ERBIN: variants seen among roughly 807,000 people sequenced by gnomAD.
The protein encoded by ERBIN is erbb2 interacting protein, also known as densin-180-like protein.
ERBIN carries 60 observed loss-of-function variants against 158.4 expected under a neutral mutation model. The ratio of observed to expected loss-of-function variants is 0.38; its 90% CI spans 0.31 to 0.47. ERBIN has a LOEUF of 0.47. Among genes scored for constraint, ERBIN ranks in the 20% least tolerant of loss-of-function variants. ERBIN has a pLI of 0.99. For missense variants in ERBIN, 1,610 were observed against 1,648.0 expected, an observed-to-expected ratio of 0.98 and a Z score of 0.40; for synonymous variants, 594 against 557.2, an observed-to-expected ratio of 1.07 and a Z score of -0.93.
At position 66,023,957 on chromosome 5, in the gene ERBIN, G is replaced by A. The variant is rs1479987756; in HGVS notation, c.673-349G>A. Among the ~76,000 whole-genome samples the A allele has an allele frequency of 2.6e-5, 4 of 152,132 alleles. No individual in the cohort carries two copies. In the East Asian group the frequency reaches 5.8e-4, roughly 22 times the overall value. ...CTACCAAAGTGCTGGGATTACAGGC[G>A]TGAGCCACCGCGCCCAGCCGAACTT... On this transcript the variant is annotated intron_variant, in intron 9 of 25. Coordinates refer to ENST00000284037, the MANE Select transcript of ERBIN (RefSeq NM_001253697.2).
At chr5:66,069,262 A>C (rs1225955525) in intron 21 of ERBIN, among the ~76,000 whole-genome samples, 2 of 152,232 alleles carry the variant, frequency 1.3e-5, no homozygotes, top group Admixed American at 6.5e-5. Flanking sequence ...AAAAGTGAAC[A>C]ATAGGAATAA....
intron 1 of ERBIN, among the ~76,000 whole-genome samples, chr5:65,932,776 C>G (rs532128621): frequency 6.6e-6 from 1 of 152,134 alleles, no homozygotes; most frequent in African/African-American, 2.4e-5. Flanking sequence ...TCTAAGAATT[C>G]TAGTTTTTCA....
intron 1 of ERBIN, among the ~76,000 whole-genome samples, chr5:65,955,294 CA>C (rs1295921956): frequency 1.3e-5 from 2 of 152,064 alleles, no homozygotes; most frequent in East Asian, 3.9e-4. Context: ...TAGCTTTTGG[CA>C]TTGCTTCTCA....
chr5:65,992,598 G>T, intron 2 of ERBIN, 112 bp from the exon 3 acceptor site: 2 of 712,384 alleles, frequency 2.8e-6, no homozygotes, highest in Admixed American at 3.2e-5. Context: ...TTGTATAGTG[G>T]CAGGAGAAGT....
intron 7 of ERBIN, among the ~76,000 whole-genome samples, chr5:66,018,050 T>C (rs1283057384): frequency 6.6e-6 from 1 of 152,034 alleles, no homozygotes; most frequent in Non-Finnish European, 1.5e-5. Context: ...TGTGTGCCTA[T>C]ATACCATGCT....
At chr5:66,076,673 T>C (rs1762010259) in intron 24 of ERBIN, 1 of 601,706 alleles carries the variant, frequency 1.7e-6, no homozygotes, top group Non-Finnish European at 2.9e-6. Flanking sequence ...AAAGTAATTT[T>C]ATTACTCTCA....
At chr5:65,984,808 T>C (rs1487811732) in intron 1 of ERBIN, 3 of 151,886 alleles carry the variant, frequency 2.0e-5, no homozygotes, top group African/African-American at 7.2e-5. Context: ...GCAGTACTGG[T>C]TAATTAAGCT....
At chr5:65,962,303 T>C (rs1285736254) in intron 1 of ERBIN, among the ~76,000 whole-genome samples, 1 of 152,176 alleles carries the variant, frequency 6.6e-6, no homozygotes, top group Admixed American at 6.5e-5. Context: ...GAAAATTTTA[T>C]TGGGAAATTG....
intron 1 of ERBIN, among the ~76,000 whole-genome samples, chr5:65,933,453 C>T (rs1004791057): frequency 7.2e-5 from 11 of 152,194 alleles, no homozygotes; most frequent in Admixed American, 5.9e-4. Context: ...TACTGTTCCT[C>T]AGGAGGCAGT....
intron 1 of ERBIN, among the ~76,000 whole-genome samples, chr5:65,950,148 G>A (rs574213672): frequency 6.6e-6 from 1 of 152,176 alleles, no homozygotes. Context: ...TGGGACTACA[G>A]GCGTGTGCCA....
chr5:65,996,303 T>C lies in ERBIN; in HGVS notation c.307+1439T>C, dbSNP rs201896955. Among the ~76,000 whole-genome samples, 15 of 151,604 alleles carry C rather than the reference T, an allele frequency of 9.9e-5. No homozygotes were observed. In the East Asian group the frequency reaches 2.3e-3, roughly 23 times the overall value. On this transcript the variant is annotated intron_variant, in intron 4 of 25. Transcript: ENST00000284037. ...TGTTATAGTTAAGTCTTTAATCCAT[T>C]TTGAGTTGATTTTTTAAATGGTGTA...
At chr5:65,967,456 A>C (rs547276458) in intron 1 of ERBIN, among the ~76,000 whole-genome samples, 13 of 152,318 alleles carry the variant, frequency 8.5e-5, no homozygotes, top group African/African-American at 3.1e-4. Context: ...ATATGTTTAA[A>C]TACACAAATA....
intron 1 of ERBIN, among the ~76,000 whole-genome samples, chr5:65,937,795 G>A (rs1744265634): frequency 6.6e-6 from 1 of 152,186 alleles, no homozygotes; most frequent in Non-Finnish European, 1.5e-5. Context: ...TGTAGTCCCA[G>A]CTACTCGGGA....
chr5:65,961,552 G>A (rs1747919298), intron 1 of ERBIN, among the ~76,000 whole-genome samples: 1 of 152,122 alleles, frequency 6.6e-6, no homozygotes, highest in African/African-American at 2.4e-5. Context: ...TTTAATTTGT[G>A]GTTGATCCAT....
chr5:66,038,568 A>G lies in ERBIN; in HGVS notation c.1306+86A>G, dbSNP rs1580430613. 5 of 1,016,468 alleles carry G rather than the reference A, an allele frequency of 4.9e-6. No individual in the cohort carries two copies. The East Asian group carries it at 1.3e-4, about 26-fold the overall frequency. The allele number at this position is 1,016,468 out of a possible 1,614,324, so 63.0% of individuals were successfully genotyped here. On this transcript the variant is annotated intron_variant, in intron 15 of 25. Transcript: ENST00000284037. ...TGAACTTTAAGTCTCAGAGACTTTT[A>G]CCAGTTTGATGGGACTTCAGAGAAT...
rs748952408 is a variant in ERBIN at position 66,071,415 on chromosome 5, G to A, written c.3634-754G>A. On this transcript the variant is annotated intron_variant, in intron 21 of 25. Transcript: ENST00000284037. ...AAATATTCAGGGGTAATGAGATTGA[G>A]TCTTATTTTTCCCCTAAAGCTATCA... Among the ~76,000 whole-genome samples the A allele has an allele frequency of 8.5e-4, 130 of 152,052 alleles. 1 individual carries two copies. The highest frequency in any genetic ancestry group is 1.7e-3 in the Non-Finnish European group (116 of 68,006).
In ERBIN at chr5:65,940,848, G is replaced by A. The variant is rs1161850468; in HGVS notation, c.-58+14042G>A. On this transcript the variant is annotated intron_variant, in intron 1 of 25. Transcript: ENST00000284037. ...CAGCTCATTGAGAACGGGCCATGAT[G>A]ACAATGGCGGTTTTGTGGAATAGAA... 2.0e-5 allele frequency among the ~76,000 whole-genome samples: 3 copies of A among 152,276 alleles called. No individual in the cohort carries two copies. In the East Asian group the frequency reaches 5.8e-4, roughly 29 times the overall value.
At chr5:65,955,308 T>A (rs1233396809) in intron 1 of ERBIN, among the ~76,000 whole-genome samples, 1 of 152,138 alleles carries the variant, frequency 6.6e-6, no homozygotes, top group African/African-American at 2.4e-5. Context: ...GCTTCTCAAT[T>A]GCTGTAATCT....
In ERBIN at chr5:65,994,763, A is replaced by G; in HGVS notation, c.206A>G (p.Gln69Arg). Reference sequence around the variant, plus strand: ...TTTCAATAGCAACTTTTTAACTGTCAGTCTTTACACAAACTGAGTTTGCCA... The same window carrying G: ...TTTCAATAGCAACTTTTTAACTGTCGGTCTTTACACAAACTGAGTTTGCCA... ...EELPKQLFNC[Q>R]SLHKLSLPDN... The change falls in exon 4 of 26, where the codon CAG becomes CGG. Residue 69 changes from glutamine to arginine, a missense_variant. By Grantham distance (43) the Gln-to-Arg change is conservative. Around this residue, in one of 2 missense-constraint regions of ERBIN, gnomAD observed 596 missense variants for 711.9 expected, o/e 0.84. Transcript: ENST00000284037. 6.3e-7 allele frequency: 1 copy of G among 1,596,616 alleles called. No individual in the cohort carries two copies. Among genetic ancestry groups the G allele is most frequent in the South Asian group, 1.1e-5 (1 of 87,360 alleles).
Sources: gnomAD v4.1 joint callset for allele counts (sites outside exome capture counted in the v4.1 genomes callset) on GRCh38, gnomAD v4.1.1 for gene constraint, gnomAD v4.1.1 regional missense constraint, MANE v1.5 for transcripts, NCBI Gene and HGNC (gene_info 2026-07-23, HGNC 2026-07-21) for gene names.